The following TNFSF4 variants were observed in gnomAD, a reference collection of about 807,000 sequenced individuals.
TNFSF4 encodes the protein TNF superfamily member 4, also known as tumor necrosis factor ligand superfamily member 4.
A neutral mutation model predicts 7.3 loss-of-function variants in TNFSF4; 4 were observed. The observed-to-expected ratio is 0.55, with a 90% confidence interval of 0.27 to 1.25. The LOEUF is 1.25. TNFSF4 is among the 50% of genes most tolerant of loss of function. The pLI is 0.12. For synonymous variants in TNFSF4, 76 were observed against 83.7 expected (o/e 0.91, Z 0.50); for missense variants, 181 against 208.8 (o/e 0.87, Z 0.82).
At chr1:173,394,213 C>CT in the TNFSF4 span, among the ~76,000 whole-genome samples, 1 of 92,526 alleles carries the variant, frequency 1.1e-5, no homozygotes, top group Non-Finnish European at 2.0e-5. Flanking sequence ...AAAACTCCAT[C>CT]TTTAAAAAAA....
the TNFSF4 span, among the ~76,000 whole-genome samples, chr1:173,384,413 C>A: frequency 6.6e-6 from 1 of 152,094 alleles, no homozygotes; most frequent in East Asian, 1.9e-4. Context: ...TAAAGGTATT[C>A]CCAAGAGCAG....
chr1:173,431,005 T>C, the TNFSF4 span, among the ~76,000 whole-genome samples: 2 of 152,240 alleles, frequency 1.3e-5, no homozygotes, highest in Non-Finnish European at 2.9e-5. Context: ...TTTTGAATGT[T>C]CACCTGTTAT....
the TNFSF4 span, among the ~76,000 whole-genome samples, chr1:173,218,050 A>G: frequency 6.6e-6 from 1 of 152,104 alleles, no homozygotes; most frequent in Admixed American, 6.6e-5. Flanking sequence ...TTCCCAGCTG[A>G]AATTTTTGAA....
the TNFSF4 span, among the ~76,000 whole-genome samples, chr1:173,437,920 A>G: frequency 8.5e-5 from 12 of 141,516 alleles, no homozygotes; most frequent in African/African-American, 2.3e-4. Flanking sequence ...AGAACATAAA[A>G]GAAAAATTAA....
the TNFSF4 span, among the ~76,000 whole-genome samples, chr1:173,396,803 C>T: frequency 6.6e-6 from 1 of 152,188 alleles, no homozygotes; most frequent in African/African-American, 2.4e-5. Flanking sequence ...CCTGCTCATT[C>T]ACACTGGGAG....
At chr1:173,195,522 G>A (rs1649663314) in intron 1 of TNFSF4, among the ~76,000 whole-genome samples, 1 of 152,226 alleles carries the variant, frequency 6.6e-6, no homozygotes, top group Non-Finnish European at 1.5e-5. Context: ...AAAAACAAAG[G>A]TGGAAAGTGT....
At chr1:173,337,474 C>G in the TNFSF4 span, among the ~76,000 whole-genome samples, 1 of 152,216 alleles carries the variant, frequency 6.6e-6, no homozygotes, top group African/African-American at 2.4e-5. Flanking sequence ...ACTACCCTCT[C>G]TCTTCTAGTC....
At chr1:173,406,422 A>T in the TNFSF4 span, among the ~76,000 whole-genome samples, 2 of 152,200 alleles carry the variant, frequency 1.3e-5, no homozygotes, top group Non-Finnish European at 2.9e-5. Context: ...ACTATGTTCC[A>T]GGAACTCTAC....
At chr1:173,260,828 GAT>G in the TNFSF4 span, among the ~76,000 whole-genome samples, 1 of 152,154 alleles carries the variant, frequency 6.6e-6, no homozygotes, top group Non-Finnish European at 1.5e-5. Context: ...GGAGCACCCA[GAT>G]TCATAAAACA....
the TNFSF4 span, among the ~76,000 whole-genome samples, chr1:173,234,782 C>T: frequency 1.8e-4 from 27 of 151,822 alleles, no homozygotes; most frequent in Admixed American, 1.3e-3. Flanking sequence ...CATCACACAC[C>T]GGGGCCTGTC....
At chr1:173,362,515 A>G in the TNFSF4 span, 1 of 541,456 alleles carries the variant, frequency 1.8e-6, no homozygotes, top group Non-Finnish European at 3.7e-6. Context: ...AACTTTAGTT[A>G]TTTGGTTGGC....
the TNFSF4 span, among the ~76,000 whole-genome samples, chr1:173,290,920 C>T: frequency 6.6e-6 from 1 of 152,108 alleles, no homozygotes; most frequent in Non-Finnish European, 1.5e-5. Context: ...GTAATACCAA[C>T]AAGCTCTCTC....
chr1:173,238,660 ATTACT>A, the TNFSF4 span, among the ~76,000 whole-genome samples: 1 of 152,114 alleles, frequency 6.6e-6, no homozygotes, highest in Non-Finnish European at 1.5e-5. Context: ...AATACTCAAT[ATTACT>A]AATCATTAGG....
intron 1 of TNFSF4, among the ~76,000 whole-genome samples, chr1:173,189,976 G>A (rs1351392208): frequency 6.6e-6 from 1 of 151,808 alleles, no homozygotes; most frequent in Non-Finnish European, 1.5e-5. Flanking sequence ...TTGGGAGGCT[G>A]AGGCAGGCAG....
rs1157832408 is a variant in TNFSF4, at chr1:173,188,553, G to T, written c.170C>A (p.Pro57His). Residue 57 changes from proline (P) to histidine (H), a missense_variant, in exon 2 of 3, where the codon CCT becomes CAT. By Grantham distance (77) the Pro-to-His change is moderately conservative. Coordinates refer to ENST00000281834, the MANE Select transcript of TNFSF4 (RefSeq NM_003326.5). ...FSALQVSHRY[P>H]RIQSIKVQFT... ...TTGTACTTTGATACTTTGAATTCGA[G>T]GATACCGATGTGATACCTGAGGGAG... The T allele has an allele frequency of 2.5e-6, 4 of 1,612,106 alleles. No individual in the cohort carries two copies. In the Admixed American group the frequency reaches 5.0e-5, roughly 20 times the overall value.
the TNFSF4 span, among the ~76,000 whole-genome samples, chr1:173,234,300 A>T: frequency 6.6e-6 from 1 of 152,180 alleles, no homozygotes. Context: ...AGGAAACAAC[A>T]GGTGCTGGAG....
chr1:173,352,345 T>C, the TNFSF4 span, among the ~76,000 whole-genome samples: 3 of 152,196 alleles, frequency 2.0e-5, no homozygotes, highest in Non-Finnish European at 4.4e-5. Flanking sequence ...TGCAAGTGGA[T>C]CGGGGGAACC....
the TNFSF4 span, among the ~76,000 whole-genome samples, chr1:173,389,560 T>C: frequency 6.6e-6 from 1 of 152,188 alleles, no homozygotes; most frequent in East Asian, 1.9e-4. Context: ...CAAGCAAGCC[T>C]GACTTTATAA....
chr1:173,253,293 C>A, the TNFSF4 span, among the ~76,000 whole-genome samples: 4 of 152,166 alleles, frequency 2.6e-5, no homozygotes, highest in African/African-American at 9.7e-5. Context: ...AAGTAAGAAT[C>A]CTCAAACATA....
Sources: allele counts gnomAD v4.1 joint callset (sites outside exome capture counted in the v4.1 genomes callset), GRCh38; gene constraint gnomAD v4.1.1; transcripts MANE v1.5; gene names NCBI Gene and HGNC (gene_info 2026-07-23, HGNC 2026-07-21).